SIRPA: variants seen among roughly 807,000 people sequenced by gnomAD.
The protein encoded by SIRPA is tyrosine-protein phosphatase non-receptor type substrate 1.
Under a neutral mutation model 50.3 loss-of-function variants are expected in SIRPA, and 9 were observed. The observed-to-expected ratio is 0.18, with a 90% CI of 0.11 to 0.31. The LOEUF is 0.31. Ranked by LOEUF, SIRPA falls within the 10% of genes least tolerant of loss-of-function variation. SIRPA has a pLI of 1.00. For missense variants in SIRPA, 474 were observed against 661.6 expected (o/e 0.72, Z 3.11); for synonymous variants, 265 against 284.1 (o/e 0.93, Z 0.68).
intron 2 of SIRPA, among the ~76,000 whole-genome samples, chr20:1,917,499 C>T (rs1034074616): frequency 6.6e-6 from 1 of 152,172 alleles, no homozygotes; most frequent in Non-Finnish European, 1.5e-5. Flanking sequence ...GAGATCGCAC[C>T]ACTGTACTCC....
Position 1,938,137 on chromosome 20 carries a change from A to G in SIRPA, c.*569A>G, listed in dbSNP as rs1349136007. 4 of 156,420 alleles carry G rather than the reference A, an allele frequency of 2.6e-5. No homozygotes were observed. The highest frequency in any genetic ancestry group is 9.6e-5 in the African/African-American group (4 of 41,486). The allele number at this position is 156,420 out of a possible 1,614,324, so 9.7% of individuals were successfully genotyped here. Reference sequence around the variant, plus strand: ...TCCAGGCTTGGTGAGGTTGCTGCCAACAGTCCTGGCCTCCCCCATCCCTAG... The same window carrying G: ...TCCAGGCTTGGTGAGGTTGCTGCCAGCAGTCCTGGCCTCCCCCATCCCTAG... On this transcript the variant is annotated 3_prime_UTR_variant, in exon 8 of 8. Coordinates refer to ENST00000358771, the MANE Select transcript of SIRPA (RefSeq NM_001040023.2).
chr20:1,902,457 A>G (rs2122993437), intron 1 of SIRPA, among the ~76,000 whole-genome samples: 1 of 152,304 alleles, frequency 6.6e-6, no homozygotes, highest in South Asian at 2.1e-4. Context: ...GGTCATTTTA[A>G]TTGTAAATAT....
In SIRPA at chr20:1,937,510, C is replaced by A. The variant is rs781656196; in HGVS notation, c.1457C>A (p.Ala486Asp). ...CTCAACCGGACCCCCAAGCAGCCGG[C>A]CCCCAAGCCTGAGCCGTCCTTCTCA... ...VHLNRTPKQP[A>D]PKPEPSFSEY... The change falls in exon 8 of 8, where the codon GCC (alanine) becomes GAC (aspartate). Residue 486 changes from alanine (A) to aspartate (D), a missense_variant. Coordinates refer to ENST00000358771, the MANE Select transcript of SIRPA (RefSeq NM_001040023.2). This position sits in a 1 kb window ranked among gnomAD's most constrained non-coding sequence, Gnocchi z 8.3. 1 of 1,614,108 alleles carries A rather than the reference C, an allele frequency of 6.2e-7. No individual in the cohort carries two copies.
chr20:1,895,305 C>T (rs1251496449), upstream of SIRPA: 3 of 500,474 alleles, frequency 6.0e-6, no homozygotes, highest in African/African-American at 6.2e-5. Flanking sequence ...GGCGGCCGCT[C>T]CAGGCGCCCG....
In SIRPA at chr20:1,934,015, A is replaced by G. The variant is rs1986437139; in HGVS notation, c.1227-700A>G. ...AAAAGGAGAAAAAAAATACCATGCA[A>G]AGACCACTGCAGTTTGCATTTTGCT... On this transcript the variant is annotated intron_variant, in intron 6 of 7. Transcript: ENST00000358771. The surrounding 1 kb of genome is among the most constrained non-coding windows in gnomAD (Gnocchi z 4.6). Among the ~76,000 whole-genome samples, 1 of 152,222 alleles carries G rather than the reference A, an allele frequency of 6.6e-6. No homozygotes were observed. Among genetic ancestry groups the G allele is most frequent in the Non-Finnish European group, 1.5e-5 (1 of 68,028 alleles).
chr20:1,931,102 C>T (rs766929744), intron 6 of SIRPA, among the ~76,000 whole-genome samples: 3 of 152,192 alleles, frequency 2.0e-5, no homozygotes, highest in Non-Finnish European at 2.9e-5. Flanking sequence ...GTCCCAAGTT[C>T]ATAGAACAGT....
intron 1 of SIRPA, among the ~76,000 whole-genome samples, chr20:1,897,194 CCTATAAAAACAGT>C (rs1389867879): frequency 1.3e-5 from 2 of 152,150 alleles, no homozygotes; most frequent in African/African-American, 2.4e-5. Flanking sequence ...CCCCCTTTTG[CCTATAAAAACAGT>C]CTATAAGATG....
In SIRPA at chr20:1,927,624, A is replaced by T. The variant is rs1398413937; in HGVS notation, c.1202-251A>T. ...AGGGCGGTTGTCGCCTCCCAGGCTG[A>T]AGGCTGCTTTTGGACCCCTGGCAAC... is the stretch of plus-strand genomic sequence containing the variant. On this transcript the variant is annotated intron_variant, in intron 5 of 7. Transcript: ENST00000358771. This position sits in a 1 kb window ranked among gnomAD's most constrained non-coding sequence, Gnocchi z 6.5. Among the ~76,000 whole-genome samples the T allele has an allele frequency of 6.6e-6, 1 of 152,126 alleles. No individual in the cohort carries two copies. The highest frequency in any genetic ancestry group is 1.5e-5 in the Non-Finnish European group (1 of 68,024).
At position 1,898,715 on chromosome 20, in the gene SIRPA, C is replaced by T. The variant is rs1600387546; in HGVS notation, c.79+3189C>T. Among the ~76,000 whole-genome samples the T allele has an allele frequency of 1.3e-5, 2 of 151,982 alleles. No individual in the cohort carries two copies. The highest frequency in any genetic ancestry group is 4.8e-5 in the African/African-American group (2 of 41,374). ...GCTGGAGAGGGAGTGAGAGAGGCCC[C>T]TTTCTGGCCTTGGGTGGAGGACTGT... On this transcript the variant is annotated intron_variant, in intron 1 of 7. Transcript: ENST00000358771. This position sits in a 1 kb window ranked among gnomAD's most constrained non-coding sequence, Gnocchi z 4.3.
At position 1,937,200 on chromosome 20, in the gene SIRPA, G is replaced by C; in HGVS notation, c.1267-120G>C. 8.2e-7 allele frequency: 1 copy of C among 1,220,240 alleles called. No individual in the cohort carries two copies. Among genetic ancestry groups the C allele is most frequent in the Non-Finnish European group, 1.2e-6 (1 of 868,564 alleles). 75.6% of individuals were successfully genotyped at this position (1,220,240 alleles called of 1,614,324 possible). A position where few individuals can be genotyped will look rare whatever the true frequency, so the allele number is the denominator to read the frequency against. ...GATGAGGGGAACATGACTTATGGCT[G>C]AGCCAGTGTGGGCCGAGAGGACACA... On this transcript the variant is annotated intron_variant, in intron 7 of 7. Transcript: ENST00000358771. This position sits in a 1 kb window ranked among gnomAD's most constrained non-coding sequence, Gnocchi z 8.3.
At position 1,934,151 on chromosome 20, in the gene SIRPA, A is replaced by T. The variant is rs1175742472; in HGVS notation, c.1227-564A>T. 1.3e-5 allele frequency among the ~76,000 whole-genome samples: 2 copies of T among 152,176 alleles called. No individual in the cohort carries two copies. Among genetic ancestry groups the T allele is most frequent in the Admixed American group, 6.5e-5 (1 of 15,274 alleles). On this transcript the variant is annotated intron_variant, in intron 6 of 7. Coordinates refer to ENST00000358771, the MANE Select transcript of SIRPA (RefSeq NM_001040023.2). This position sits in a 1 kb window ranked among gnomAD's most constrained non-coding sequence, Gnocchi z 4.6. ...GTAAGCAATTTTAACTTAAAAAAAA[A>T]ACCTCCTCATAAACCTTTTAAATCT... is the stretch of plus-strand genomic sequence containing the variant.
rs1377541938 is a variant in SIRPA at position 1,936,551 on chromosome 20, A to G, written c.1267-769A>G. Among the ~76,000 whole-genome samples, 1 of 152,128 alleles carries G rather than the reference A, an allele frequency of 6.6e-6. No individual in the cohort carries two copies. Among genetic ancestry groups the G allele is most frequent in the African/African-American group, 2.4e-5 (1 of 41,418 alleles). On this transcript the variant is annotated intron_variant, in intron 7 of 7. Transcript: ENST00000358771. The surrounding 1 kb of genome is among the most constrained non-coding windows in gnomAD (Gnocchi z 4.2). ...CTCCAGAACGTTTCCCGCTTCACTAACTGGCGATCTCGTTCTTATACTGCC... is the reference window on the plus strand; with the variant it reads ...CTCCAGAACGTTTCCCGCTTCACTAGCTGGCGATCTCGTTCTTATACTGCC...
chr20:1,924,623 C>T lies in SIRPA; in HGVS notation c.1088-141C>T. 4.4e-6 allele frequency: 3 copies of T among 675,214 alleles called. No homozygotes were observed. The highest frequency in any genetic ancestry group is 5.3e-6 in the Non-Finnish European group (2 of 377,656). The allele number at this position is 675,214 out of a possible 1,614,324, so 41.8% of individuals were successfully genotyped here. A position where few individuals can be genotyped will look rare whatever the true frequency, so the allele number is the denominator to read the frequency against. On this transcript the variant is annotated intron_variant, in intron 4 of 7. Transcript: ENST00000358771. This position sits in a 1 kb window ranked among gnomAD's most constrained non-coding sequence, Gnocchi z 4.5. ...AGTGTGTACAGACCCATGAGTGTGC[C>T]CATGTGGCTCGAGACATCTAAGAAG...
At position 1,927,040 on chromosome 20, in the gene SIRPA, A is replaced by C. The variant is rs1053996313; in HGVS notation, c.1202-835A>C. ...CTTTGCAACCTGTCAGCCTCCACTC[A>C]GACTTTCGGTGCTGAGCACAGCTTC... On this transcript the variant is annotated intron_variant, in intron 5 of 7. Transcript: ENST00000358771. This position sits in a 1 kb window ranked among gnomAD's most constrained non-coding sequence, Gnocchi z 6.5. 1.3e-5 allele frequency among the ~76,000 whole-genome samples: 2 copies of C among 152,168 alleles called. No individual in the cohort carries two copies. The highest frequency in any genetic ancestry group is 1.3e-4 in the Admixed American group (2 of 15,280).
At chr20:1,907,988 C>T (rs1007505626) in intron 1 of SIRPA, among the ~76,000 whole-genome samples, 3 of 152,192 alleles carry the variant, frequency 2.0e-5, no homozygotes, top group Non-Finnish European at 4.4e-5. Context: ...TCTGGGCTAG[C>T]CTGTTGACAG....
At position 1,938,917 on chromosome 20, in the gene SIRPA, C is replaced by A. The variant is rs542596155; in HGVS notation, c.*1349C>A. The A allele has an allele frequency of 1.3e-5, 2 of 152,862 alleles. No individual in the cohort carries two copies. Among genetic ancestry groups the A allele is most frequent in the South Asian group, 4.1e-4 (2 of 4,826 alleles). 9.5% of individuals were successfully genotyped at this position (152,862 alleles called of 1,614,324 possible). ...GTCTATCCTACCCCTTTAGTGACCG[C>A]CCCCATCCCGGCTTTCTGAGCTGAT... On this transcript the variant is annotated 3_prime_UTR_variant, in exon 8 of 8. Transcript: ENST00000358771.
Position 1,922,460 on chromosome 20 carries a change from C to G in SIRPA, c.902C>G (p.Thr301Ser). ...GTGTCCCGGACAGAAACGGCCTCAA[C>G]CGTTACAGAGAACAAGGATGGTACC... ...GNVSRTETAS[T>S]VTENKDGTYN... Residue 301 changes from threonine to serine, a missense_variant, in exon 4 of 8, where the codon ACC becomes AGC. Thr to Ser is a moderately conservative substitution (Grantham distance 58). Coordinates refer to ENST00000358771, the MANE Select transcript of SIRPA (RefSeq NM_001040023.2). 1.9e-6 allele frequency: 3 copies of G among 1,614,250 alleles called. No homozygotes were observed. The highest frequency in any genetic ancestry group is 2.5e-6 in the Non-Finnish European group (3 of 1,180,048).
chr20:1,897,056 G>A (rs934158159), intron 1 of SIRPA, among the ~76,000 whole-genome samples: 5 of 152,158 alleles, frequency 3.3e-5, no homozygotes, highest in Admixed American at 6.5e-5. Flanking sequence ...ACCCTTCTCC[G>A]ACCAGGAGGC....
chr20:1,916,329 G>A (rs1237934963), intron 2 of SIRPA, among the ~76,000 whole-genome samples: 2 of 152,190 alleles, frequency 1.3e-5, no homozygotes, highest in Non-Finnish European at 2.9e-5. Flanking sequence ...AGTTACAGGT[G>A]GAAACTTGAA....
Sources: allele counts gnomAD v4.1 joint callset (sites outside exome capture counted in the v4.1 genomes callset), GRCh38; gene constraint gnomAD v4.1.1; non-coding constraint Gnocchi (gnomAD v3.1); transcripts MANE v1.5; gene names NCBI Gene and HGNC (gene_info 2026-07-23, HGNC 2026-07-21).